The following DLG1 variants were observed in gnomAD, a reference collection of about 807,000 sequenced individuals.
The protein encoded by DLG1 is disks large homolog 1.
Under a neutral mutation model 123.4 loss-of-function variants are expected in DLG1, and 42 were observed. The observed-to-expected ratio is 0.34, with a 90% CI of 0.27 to 0.44. The LOEUF is 0.44. DLG1 is among the 20% of genes least tolerant of loss of function. The probability of loss-of-function intolerance (pLI) is 1.00; values close to 1 mark genes in which losing one functional copy is unlikely to be tolerated. For synonymous variants in DLG1, 317 were observed against 356.2 expected, an observed-to-expected ratio of 0.89 and a Z score of 1.24; for missense variants, 942 against 1,082.6, an observed-to-expected ratio of 0.87 and a Z score of 1.82.
At chr3:197,216,384 T>A (rs1365385290) in intron 4 of DLG1, among the ~76,000 whole-genome samples, 3 of 152,200 alleles carry the variant, frequency 2.0e-5, no homozygotes, top group African/African-American at 7.2e-5. Flanking sequence ...GTGAGTCATA[T>A]TCACAGATAT....
Position 197,042,887 on chromosome 3 carries a change from A to G in DLG1, c.*1736T>C, listed in dbSNP as rs1042700662. On this transcript the variant is annotated 3_prime_UTR_variant, in exon 25 of 25. Coordinates refer to ENST00000667157, the MANE Select transcript of DLG1 (RefSeq NM_001366207.1). ...TTTCAAGAAAATGTTAGCTTGCAAA[A>G]TATATTTTTTCTTTCAAAATTCAAG... 13 of 66,628 alleles carry G rather than the reference A, an allele frequency of 2.0e-4. No homozygotes were observed. The highest frequency in any genetic ancestry group is 6.8e-4 in the African/African-American group (12 of 17,712). 4.1% of individuals were successfully genotyped at this position (66,628 alleles called of 1,614,324 possible).
At chr3:197,118,317 AG>A (rs1774421417) in intron 12 of DLG1, among the ~76,000 whole-genome samples, 1 of 152,214 alleles carries the variant, frequency 6.6e-6, no homozygotes, top group South Asian at 2.1e-4. Context: ...TGGCAATGAA[AG>A]GTCACTCTAG....
chr3:197,071,454 C>T (rs961603348), intron 18 of DLG1, among the ~76,000 whole-genome samples: 3 of 148,102 alleles, frequency 2.0e-5, no homozygotes, highest in African/African-American at 7.5e-5. Context: ...CCCTCTAAGA[C>T]TGCCAAAAGC....
At chr3:197,144,642 T>G (rs1789763233) in intron 6 of DLG1, among the ~76,000 whole-genome samples, 1 of 152,194 alleles carries the variant, frequency 6.6e-6, no homozygotes, top group Non-Finnish European at 1.5e-5. Flanking sequence ...TAGCCCTTAA[T>G]TCAGGTCTAA....
chr3:197,152,995 T>C (rs2149791389), intron 5 of DLG1, among the ~76,000 whole-genome samples: 1 of 152,274 alleles, frequency 6.6e-6, no homozygotes, highest in East Asian at 1.9e-4. Context: ...AAAATCCACT[T>C]TTACAATCTG....
intron 12 of DLG1, 93 bp from the exon 13 acceptor site, chr3:197,116,176 T>G (rs1773165456): frequency 1.0e-6 from 1 of 973,882 alleles, no homozygotes; most frequent in Non-Finnish European, 1.5e-6. Context: ...TTTTATGTTA[T>G]CAAACTACAA....
intron 4 of DLG1, among the ~76,000 whole-genome samples, chr3:197,195,886 G>A (rs1252432407): frequency 1.3e-5 from 2 of 150,770 alleles, no homozygotes; most frequent in East Asian, 1.9e-4. Context: ...AATAAAAGTA[G>A]AAAAAAATGG....
chr3:197,196,254 T>G (rs1028240446), intron 4 of DLG1, among the ~76,000 whole-genome samples: 1 of 151,652 alleles, frequency 6.6e-6, no homozygotes. Flanking sequence ...AGTAGCACTT[T>G]TTAAACAACA....
chr3:197,274,517 C>CGATAT (rs1253837439), intron 4 of DLG1, among the ~76,000 whole-genome samples: 2 of 151,756 alleles, frequency 1.3e-5, no homozygotes, highest in African/African-American at 4.8e-5. Context: ...CGACACGACA[C>CGATAT]GATACGATAC....
chr3:197,116,327 G>GA (rs143093283), intron 12 of DLG1, among the ~76,000 whole-genome samples: 6,475 of 151,396 alleles, frequency 0.043, 187 homozygotes, highest in Non-Finnish European at 0.054. Context: ...AACCAAAACA[G>GA]AAAAAAAACG....
chr3:197,069,395 C>A, intron 18 of DLG1, 135 bp from the exon 19 acceptor site: 1 of 496,354 alleles, frequency 2.0e-6, no homozygotes, highest in Non-Finnish European at 3.5e-6. Flanking sequence ...TTCTTTGAAA[C>A]GTTTAAGTTT....
chr3:197,199,269 T>C (rs996829985), intron 4 of DLG1, among the ~76,000 whole-genome samples: 11 of 152,306 alleles, frequency 7.2e-5, no homozygotes, highest in East Asian at 1.9e-4. Flanking sequence ...TTCTCTATTA[T>C]AGGTTGAGCA....
In DLG1 at chr3:197,043,181, T is replaced by G. The variant is rs1721130966; in HGVS notation, c.*1442A>C. Reference sequence around the variant, plus strand: ...TTCTTAAAATTGCTCACCATGAAGATTTGTGCAATTCTAGTGCAGAGCAGT... The same window carrying G: ...TTCTTAAAATTGCTCACCATGAAGAGTTGTGCAATTCTAGTGCAGAGCAGT... On this transcript the variant is annotated 3_prime_UTR_variant, in exon 25 of 25. Transcript: ENST00000667157. 6.6e-6 allele frequency: 1 copy of G among 152,186 alleles called. No homozygotes were observed. Among genetic ancestry groups the G allele is most frequent in the South Asian group, 2.1e-4 (1 of 4,830 alleles). 9.4% of individuals were successfully genotyped at this position (152,186 alleles called of 1,614,324 possible). A position where few individuals can be genotyped will look rare whatever the true frequency, so the allele number is the denominator to read the frequency against.
chr3:197,188,884 C>T (rs544154600), intron 5 of DLG1, among the ~76,000 whole-genome samples: 38 of 152,178 alleles, frequency 2.5e-4, no homozygotes, highest in Non-Finnish European at 4.7e-4. Flanking sequence ...CCTTCAATTC[C>T]GGTTTTCTAA....
intron 3 of DLG1, chr3:197,293,862 G>C (rs1185305936): frequency 6.5e-6 from 1 of 152,934 alleles, no homozygotes; most frequent in Non-Finnish European, 1.5e-5. Flanking sequence ...CTTTAATCCA[G>C]TGGTCCACAG....
intron 4 of DLG1, among the ~76,000 whole-genome samples, chr3:197,254,061 T>C (rs1755732594): frequency 6.6e-6 from 1 of 152,160 alleles, no homozygotes; most frequent in Non-Finnish European, 1.5e-5. Context: ...GGCAAAGGAA[T>C]GGACCTGATA....
At chr3:197,298,028 C>A in intron 1 of DLG1, 1 of 724,746 alleles carries the variant, frequency 1.4e-6, no homozygotes, top group Non-Finnish European at 1.7e-6. Flanking sequence ...GCCCCCCGGC[C>A]CGCTCGCCCA....
intron 13 of DLG1, among the ~76,000 whole-genome samples, chr3:197,108,632 A>G (rs2149342522): frequency 6.6e-6 from 1 of 152,306 alleles, no homozygotes; most frequent in South Asian, 2.1e-4. Context: ...TTTAGTAATA[A>G]TGTTTTTCTT....
At chr3:197,237,047 A>C (rs1746339254) in intron 4 of DLG1, among the ~76,000 whole-genome samples, 1 of 152,210 alleles carries the variant, frequency 6.6e-6, no homozygotes, top group South Asian at 2.1e-4. Flanking sequence ...GCTCCTGCTC[A>C]GATCAGAATG....
Sources: allele counts gnomAD v4.1 joint callset (sites outside exome capture counted in the v4.1 genomes callset), GRCh38; gene constraint gnomAD v4.1.1; transcripts MANE v1.5; gene names NCBI Gene and HGNC (gene_info 2026-07-23, HGNC 2026-07-21).